The following CKAP5 variants were observed in gnomAD, a reference collection of about 807,000 sequenced individuals.
CKAP5 encodes the protein cytoskeleton-associated protein 5.
A neutral mutation model predicts 232.8 loss-of-function variants in CKAP5; 27 were observed. The ratio of observed to expected loss-of-function variants is 0.12; its 90% CI spans 0.09 to 0.16. The LOEUF (loss-of-function observed/expected upper bound fraction) is 0.16, where lower values mean the gene tolerates loss of function less well. CKAP5 is among the 10% of genes least tolerant of loss of function. The probability of loss-of-function intolerance (pLI) is 1.00; values close to 1 mark genes in which losing one functional copy is unlikely to be tolerated. For synonymous variants in CKAP5, 785 were observed against 841.1 expected, an observed-to-expected ratio of 0.93 and a Z score of 1.16; for missense variants, 1,838 against 2,424.7, an observed-to-expected ratio of 0.76 and a Z score of 5.08.
chr11:46,807,632 G>A lies in CKAP5; in HGVS notation c.978+399C>T, dbSNP rs540757672. On this transcript the variant is annotated intron_variant, in intron 8 of 43. Transcript: ENST00000529230. ...CTGTTTCAGAACTGACCTCATATTCGTATACTCTTTACATACTGATACAAA... is the reference window on the plus strand; with the variant it reads ...CTGTTTCAGAACTGACCTCATATTCATATACTCTTTACATACTGATACAAA... Among the ~76,000 whole-genome samples, 6 of 152,140 alleles carry A rather than the reference G, an allele frequency of 3.9e-5. No homozygotes were observed. In the South Asian group the frequency reaches 1.2e-3, roughly 32 times the overall value.
At chr11:46,767,033 T>C (rs2065207771) in intron 27 of CKAP5, among the ~76,000 whole-genome samples, 1 of 152,140 alleles carries the variant, frequency 6.6e-6, no homozygotes. Context: ...TTCTCCTTTT[T>C]TTTTTTTTTC....
At chr11:46,755,307 G>T (rs963743396) in intron 35 of CKAP5, among the ~76,000 whole-genome samples, 1 of 151,984 alleles carries the variant, frequency 6.6e-6, no homozygotes, top group Non-Finnish European at 1.5e-5. Flanking sequence ...TCCACCTTCC[G>T]GTTTCAAGTG....
At chr11:46,830,597 G>A (rs1427137285) in intron 1 of CKAP5, among the ~76,000 whole-genome samples, 1 of 152,146 alleles carries the variant, frequency 6.6e-6, no homozygotes, top group Non-Finnish European at 1.5e-5. Flanking sequence ...ACACCCTGAT[G>A]TAGGTCCATA....
Position 46,743,967 on chromosome 11 carries a change from G to T in CKAP5, c.*56C>A, listed in dbSNP as rs2065003605. ...GCCTGCTGAGGCCATTTTAAACTAT[G>T]AGGACTTCTAGTTTAGTAAACTAAA... is the stretch of plus-strand genomic sequence containing the variant. On this transcript the variant is annotated 3_prime_UTR_variant, in exon 44 of 44. Coordinates refer to ENST00000529230, the MANE Select transcript of CKAP5 (RefSeq NM_001008938.4). 4 of 1,607,394 alleles carry T rather than the reference G, an allele frequency of 2.5e-6. No homozygotes were observed. Among genetic ancestry groups the T allele is most frequent in the African/African-American group, 1.3e-5 (1 of 74,708 alleles).
intron 4 of CKAP5, among the ~76,000 whole-genome samples, chr11:46,815,895 C>A (rs1939386656): frequency 6.6e-6 from 1 of 152,172 alleles, no homozygotes; most frequent in African/African-American, 2.4e-5. Context: ...CTGTTAGGAA[C>A]CAGGCACACA....
Position 46,744,032 on chromosome 11 carries a change from A to G in CKAP5, c.6090T>C (p.Ser2030=), listed in dbSNP as rs200504873. 6.2e-6 allele frequency: 10 copies of G among 1,612,782 alleles called. No homozygotes were observed. In the East Asian group the frequency reaches 2.2e-4, roughly 36 times the overall value. Residue 2030 remains serine, a synonymous_variant, in exon 44 of 44, where the codon AGT becomes AGC. Transcript: ENST00000529230. ...LKKRLERIKS[S]RK Reference sequence around the variant, plus strand: ...GGGGAGTGGGGCAGCTTCATTTGCGACTGCTCTTTATTCTCTCCAGTCTTT... The same window carrying G: ...GGGGAGTGGGGCAGCTTCATTTGCGGCTGCTCTTTATTCTCTCCAGTCTTT...
At chr11:46,757,190 A>G (rs908924944) in intron 35 of CKAP5, among the ~76,000 whole-genome samples, 3 of 152,144 alleles carry the variant, frequency 2.0e-5, no homozygotes, top group Non-Finnish European at 4.4e-5. Flanking sequence ...CTATCAGTGT[A>G]GCACATAATT....
At chr11:46,798,421 C>CA (rs1046798423) in intron 9 of CKAP5, among the ~76,000 whole-genome samples, 2 of 150,336 alleles carry the variant, frequency 1.3e-5, no homozygotes, top group Non-Finnish European at 3.0e-5. Flanking sequence ...CTAAAACAAA[C>CA]AAAAAAAAAT....
In CKAP5 at chr11:46,809,745, C is replaced by G. The variant is rs1483149174; in HGVS notation, c.760G>C (p.Gly254Arg). The G allele has an allele frequency of 1.9e-6, 3 of 1,613,702 alleles. No individual in the cohort carries two copies. The highest frequency in any genetic ancestry group is 2.5e-6 in the Non-Finnish European group (3 of 1,179,918). ...QQQSAGGDAE[G>R]GGDDGDEVPQ... ...CCGGTGTTTAAAATTGGCTTACCTC[C>G]TTCAGCATCTCCACCAGCAGACTGT... The change falls in exon 6 of 44, where the codon GGA (glycine) becomes CGA (arginine). Residue 254 changes from glycine (G) to arginine (R), a missense_variant. Gly to Arg is a moderately radical substitution (Grantham distance 125). Coordinates refer to ENST00000529230, the MANE Select transcript of CKAP5 (RefSeq NM_001008938.4).
intron 4 of CKAP5, among the ~76,000 whole-genome samples, chr11:46,812,334 CA>C (rs1228667705): frequency 3.5e-5 from 5 of 144,450 alleles, no homozygotes; most frequent in African/African-American, 1.0e-4. Context: ...GGTTCCGTCT[CA>C]AAAAAAAAAT....
intron 1 of CKAP5, among the ~76,000 whole-genome samples, chr11:46,845,655 C>T (rs934211026): frequency 6.6e-6 from 1 of 152,286 alleles, no homozygotes. Context: ...GCTCCCGACA[C>T]GTTGAGAGAG....
chr11:46,762,084 G>A lies in CKAP5; in HGVS notation c.4137C>T (p.Asp1379=). 6.2e-7 allele frequency: 1 copy of A among 1,614,168 alleles called. No homozygotes were observed. The change falls in exon 32 of 44, where the codon GAC becomes GAT. Residue 1379 remains aspartate, a synonymous_variant. Coordinates refer to ENST00000529230, the MANE Select transcript of CKAP5 (RefSeq NM_001008938.4). The stretch of plus-strand genomic sequence containing the variant: ...TGAGTGCAGCATTGCGTACAGCATT[G>A]TCACGGTCTCCTATGTGAACAGCTA... ...KEIAVHIGDR[D]NAVRNAALNT...
At chr11:46,779,286 CCA>C (rs1291222339) in intron 20 of CKAP5, among the ~76,000 whole-genome samples, 1 of 151,990 alleles carries the variant, frequency 6.6e-6, no homozygotes, top group Non-Finnish European at 1.5e-5. Context: ...GGGCGTGCTA[CCA>C]CACTCGGCTG....
intron 1 of CKAP5, among the ~76,000 whole-genome samples, chr11:46,839,252 G>C (rs189446983): frequency 8.7e-4 from 132 of 152,302 alleles, no homozygotes; most frequent in Middle Eastern, 3.4e-3. Flanking sequence ...AGTAATACAG[G>C]CTGGGGGTAG....
At chr11:46,756,441 C>G (rs1592435722) in intron 35 of CKAP5, among the ~76,000 whole-genome samples, 1 of 152,136 alleles carries the variant, frequency 6.6e-6, no homozygotes, top group African/African-American at 2.4e-5. Context: ...TAAAGGAACT[C>G]TTTTATCCTG....
At chr11:46,823,927 A>G (rs1259370250) in intron 1 of CKAP5, among the ~76,000 whole-genome samples, 1 of 152,196 alleles carries the variant, frequency 6.6e-6, no homozygotes, top group African/African-American at 2.4e-5. Context: ...GTTTTCAATA[A>G]ATATTTGTTT....
intron 36 of CKAP5, 73 bp downstream of exon 36, chr11:46,754,815 T>C (rs1355702218): frequency 6.1e-6 from 8 of 1,316,670 alleles, no homozygotes; most frequent in East Asian, 4.7e-5. Context: ...AACATCTGCA[T>C]GGACTCTGGC....
chr11:46,783,462 T>G, intron 17 of CKAP5, 94 bp from the exon 18 acceptor site: 1 of 726,276 alleles, frequency 1.4e-6, no homozygotes, highest in Non-Finnish European at 2.3e-6. Context: ...AAACTAGTTT[T>G]CTGACGCTAA....
intron 1 of CKAP5, among the ~76,000 whole-genome samples, chr11:46,839,091 T>C (rs1465842842): frequency 1.3e-5 from 2 of 151,952 alleles, no homozygotes; most frequent in African/African-American, 4.8e-5. Flanking sequence ...TAACAATATA[T>C]AGACAAACAA....
Sources: allele counts gnomAD v4.1 joint callset (sites outside exome capture counted in the v4.1 genomes callset), GRCh38; gene constraint gnomAD v4.1.1; transcripts MANE v1.5; gene names NCBI Gene and HGNC (gene_info 2026-07-23, HGNC 2026-07-21).